TDRD12: variants seen among roughly 807,000 people sequenced by gnomAD.
The protein encoded by TDRD12 is putative ATP-dependent RNA helicase TDRD12.
TDRD12 carries 158 observed loss-of-function variants against 133.5 expected under a neutral mutation model. That is an observed-to-expected ratio of 1.18 (90% CI 1.04 to 1.35). TDRD12 has a LOEUF of 1.35. TDRD12 is among the 40% of genes most tolerant of loss of function. The pLI, the probability that TDRD12 is intolerant of heterozygous loss-of-function variation, is 0.00. For synonymous variants in TDRD12, 460 were observed against 477.9 expected, an observed-to-expected ratio of 0.96 and a Z score of 0.49; for missense variants, 1,443 against 1,321.3, an observed-to-expected ratio of 1.09 and a Z score of -1.43.
At chr19:32,720,968 G>A (rs550606217) in intron 1 of TDRD12, among the ~76,000 whole-genome samples, 2 of 151,770 alleles carry the variant, frequency 1.3e-5, no homozygotes, top group Admixed American at 1.3e-4. Flanking sequence ...TCGATCACCC[G>A]GGCCAAGCGA....
downstream of TDRD12, chr19:32,826,236 T>A: frequency 6.7e-7 from 1 of 1,481,664 alleles, no homozygotes; most frequent in South Asian, 1.3e-5. Context: ...AGGTCTTTCT[T>A]CTTCTAGCTT....
intron 21 of TDRD12, among the ~76,000 whole-genome samples, chr19:32,805,267 C>T (rs1332838280): frequency 1.3e-5 from 2 of 149,446 alleles, no homozygotes; most frequent in Non-Finnish European, 3.0e-5. Context: ...TCTGTAGTCC[C>T]AGCTACTCAG....
At position 32,730,255 on chromosome 19, in the gene TDRD12, C is replaced by A. The variant is rs145073242; in HGVS notation, c.25-1470C>A. 2.9e-3 allele frequency among the ~76,000 whole-genome samples: 437 copies of A among 152,296 alleles called. 3 individuals are homozygous for A. The highest frequency in any genetic ancestry group is 9.8e-3 in the African/African-American group (409 of 41,576). On this transcript the variant is annotated intron_variant, in intron 1 of 27. Coordinates refer to ENST00000444215, the Ensembl canonical transcript of TDRD12. ...CCCTTTAATTCTCAAGCTGCTATGG[C>A]AGCCCCAAACTCTGTTCTCTGATTC...
intron 11 of TDRD12, among the ~76,000 whole-genome samples, chr19:32,781,919 C>T (rs1385167394): frequency 2.0e-5 from 3 of 151,712 alleles, no homozygotes; most frequent in South Asian, 2.1e-4. Flanking sequence ...CTCTGTGACT[C>T]GTATGTTGAA....
At chr19:32,785,505 C>T (rs9676344) in intron 11 of TDRD12, among the ~76,000 whole-genome samples, 11,309 of 151,916 alleles carry the variant, frequency 0.074, 731 homozygotes, top group East Asian at 0.24. Context: ...GTTCAAGTCC[C>T]GGATATCCTT....
exon 10 of TDRD12, chr19:32,828,336 G>A (rs1967654605): frequency 6.6e-6 from 1 of 152,220 alleles, no homozygotes; most frequent in Admixed American, 6.6e-5. Context: ...ATGCCTACAT[G>A]TCGTGAGCCC....
intron 5 of TDRD12, among the ~76,000 whole-genome samples, chr19:32,749,437 T>C (rs1013694283): frequency 4.6e-5 from 7 of 152,144 alleles, no homozygotes; most frequent in African/African-American, 1.7e-4. Context: ...ATGCTGCTGC[T>C]GCGGGGTTTT....
chr19:32,801,955 C>A, intron 19 of TDRD12, 82 bp downstream of exon 19: 1 of 474,814 alleles, frequency 2.1e-6, no homozygotes, highest in Non-Finnish European at 3.6e-6. Flanking sequence ...TATATCTCAT[C>A]TCCAGATTTC....
chr19:32,767,834 A>G (rs1970341489), intron 8 of TDRD12, among the ~76,000 whole-genome samples: 3 of 152,148 alleles, frequency 2.0e-5, no homozygotes, highest in African/African-American at 7.2e-5. Context: ...GGCTCCCACT[A>G]AAAATCAGGG....
chr19:32,825,151 C>G (rs1051834319), downstream of TDRD12, among the ~76,000 whole-genome samples: 3 of 152,164 alleles, frequency 2.0e-5, no homozygotes, highest in Non-Finnish European at 4.4e-5. This position sits in a 1 kb window ranked among gnomAD's most constrained non-coding sequence, Gnocchi z 4.1. Context: ...GGTCAGTGCA[C>G]TCTTTTCCTG....
chr19:32,813,753 A>G, exon 25 of TDRD12: 1 of 1,534,274 alleles, frequency 6.5e-7, no homozygotes, highest in Non-Finnish European at 8.7e-7. Context: ...GGCTTTGGGA[A>G]ATACAGTTTG....
chr19:32,807,744 G>A, intron 22 of TDRD12, 96 bp downstream of exon 22: 1 of 842,986 alleles, frequency 1.2e-6, no homozygotes, highest in Non-Finnish European at 1.8e-6. Flanking sequence ...ATGTCATGGT[G>A]CCTTCCAGTG....
At chr19:32,774,071 A>G (rs1235458855) in intron 10 of TDRD12, among the ~76,000 whole-genome samples, 1 of 152,224 alleles carries the variant, frequency 6.6e-6, no homozygotes, top group African/African-American at 2.4e-5. Flanking sequence ...CGTGAGTATC[A>G]GAGGCTGGGT....
rs184861627 is a variant in TDRD12 at position 32,722,324 on chromosome 19, G to A, written c.24+2228G>A. ...GAGCTGGACTTGCTGCCTCCTGTTC[G>A]CGAACCCCTTTCCTCTCAGTTGGGC... On this transcript the variant is annotated intron_variant, in intron 1 of 27. Transcript: ENST00000444215. Among the ~76,000 whole-genome samples, 46 of 152,074 alleles carry A rather than the reference G, an allele frequency of 3.0e-4. 1 individual carries two copies. The East Asian group carries it at 6.6e-3, about 22-fold the overall frequency.
At chr19:32,819,729 G>T (rs12977197) in intron 27 of TDRD12, among the ~76,000 whole-genome samples, 1 of 152,184 alleles carries the variant, frequency 6.6e-6, no homozygotes, top group South Asian at 2.1e-4. Flanking sequence ...ATCCTGACAG[G>T]TAGAGAGGGA....
intron 8 of TDRD12, among the ~76,000 whole-genome samples, chr19:32,759,248 A>G (rs752594570): frequency 5.8e-4 from 88 of 152,102 alleles, no homozygotes; most frequent in Admixed American, 9.8e-4. Flanking sequence ...TAGAGAGAAC[A>G]GGCTCGGGGC....
At chr19:32,755,617 T>A (rs1314300373) in intron 6 of TDRD12, among the ~76,000 whole-genome samples, 1 of 152,270 alleles carries the variant, frequency 6.6e-6, no homozygotes, top group Non-Finnish European at 1.5e-5. Context: ...TTTTGCCTCA[T>A]CTGTTTATTC....
chr19:32,785,905 A>G (rs1004117466), intron 11 of TDRD12, among the ~76,000 whole-genome samples: 3 of 152,014 alleles, frequency 2.0e-5, no homozygotes, highest in African/African-American at 7.2e-5. Flanking sequence ...TGTGTCTTTT[A>G]ATTGGGGGCA....
intron 24 of TDRD12, among the ~76,000 whole-genome samples, chr19:32,813,477 G>A (rs1024020165): frequency 6.6e-6 from 1 of 152,174 alleles, no homozygotes; most frequent in Non-Finnish European, 1.5e-5. Flanking sequence ...CTAGTACGAG[G>A]CCATGGGCGA....
Sources: allele counts gnomAD v4.1 joint callset (sites outside exome capture counted in the v4.1 genomes callset), GRCh38; gene constraint gnomAD v4.1.1; non-coding constraint Gnocchi (gnomAD v3.1); transcripts MANE v1.5; gene names NCBI Gene and HGNC (gene_info 2026-07-23, HGNC 2026-07-21).